The following UBE2F variants were observed in gnomAD, a reference collection of about 807,000 sequenced individuals.
UBE2F encodes the protein NEDD8-conjugating enzyme UBE2F.
UBE2F carries 5 observed loss-of-function variants against 29.6 expected under a neutral mutation model. That is an observed-to-expected ratio of 0.17 (90% CI 0.09 to 0.36). UBE2F has a LOEUF of 0.36. Among genes scored for constraint, UBE2F ranks in the 10% least tolerant of loss-of-function variants. The probability of loss-of-function intolerance (pLI) is 1.00; values close to 1 mark genes in which losing one functional copy is unlikely to be tolerated. For missense variants in UBE2F, 141 were observed against 228.5 expected, an observed-to-expected ratio of 0.62 and a Z score of 2.47; for synonymous variants, 66 against 81.8, an observed-to-expected ratio of 0.81 and a Z score of 1.04.
At chr2:238,009,466 C>T (rs2063970367) in intron 4 of UBE2F, among the ~76,000 whole-genome samples, 1 of 152,168 alleles carries the variant, frequency 6.6e-6, no homozygotes, top group Admixed American at 6.5e-5. Context: ...TGTTTTTCTG[C>T]AATGTCTCAT....
At chr2:238,019,943 G>A (rs150339895) in intron 5 of UBE2F, among the ~76,000 whole-genome samples, 1 of 152,178 alleles carries the variant, frequency 6.6e-6, no homozygotes, top group East Asian at 1.9e-4. Flanking sequence ...CCAGCCATGA[G>A]CCACTGAACC....
At chr2:237,999,437 C>G (rs988000671) in intron 4 of UBE2F, among the ~76,000 whole-genome samples, 2 of 152,124 alleles carry the variant, frequency 1.3e-5, no homozygotes, top group Non-Finnish European at 2.9e-5. Flanking sequence ...ATGTCCTGTC[C>G]AGAAATTTTT....
In UBE2F at chr2:237,967,496, A is replaced by G. The variant is rs550637039; in HGVS notation, c.-17+364A>G. Among the ~76,000 whole-genome samples the G allele has an allele frequency of 6.6e-6, 1 of 151,978 alleles. No homozygotes were observed. Among genetic ancestry groups the G allele is most frequent in the Non-Finnish European group, 1.5e-5 (1 of 67,982 alleles). ...ACAGACCTGGCCGCGCTCACGCCCCACTCGCGGGATCGGCTGCCTGCCTTG... is the reference window on the plus strand; with the variant it reads ...ACAGACCTGGCCGCGCTCACGCCCCGCTCGCGGGATCGGCTGCCTGCCTTG... On this transcript the variant is annotated intron_variant, in intron 1 of 9. Transcript: ENST00000272930. The surrounding 1 kb of genome is among the most constrained non-coding windows in gnomAD (Gnocchi z 6.3).
intron 1 of UBE2F, among the ~76,000 whole-genome samples, chr2:237,969,580 C>G (rs1408465747): frequency 6.6e-6 from 1 of 152,024 alleles, no homozygotes; most frequent in Admixed American, 6.6e-5. Flanking sequence ...CAGCTGACCC[C>G]CAGGTGATGG....
At chr2:237,980,755 C>T (rs1172376975) in intron 2 of UBE2F, among the ~76,000 whole-genome samples, 1 of 152,196 alleles carries the variant, frequency 6.6e-6, no homozygotes, top group Non-Finnish European at 1.5e-5. Context: ...CCTGAGCACC[C>T]CATGTGTGCC....
intron 2 of UBE2F, among the ~76,000 whole-genome samples, chr2:237,985,101 T>C (rs1219248247): frequency 6.6e-6 from 1 of 152,074 alleles, no homozygotes; most frequent in Non-Finnish European, 1.5e-5. Context: ...CCCAAAGCAC[T>C]GGGATTACAG....
In UBE2F at chr2:238,001,819, C is replaced by T. The variant is rs528506926; in HGVS notation, c.214+7010C>T. On this transcript the variant is annotated intron_variant, in intron 4 of 9. Coordinates refer to ENST00000272930, the MANE Select transcript of UBE2F (RefSeq NM_080678.3). The stretch of plus-strand genomic sequence containing the variant: ...TGGGCGACAGAGCAAGACTCCGTCT[C>T]AACAAAAAACAAAAAACAAAACAAA... 7.3e-5 allele frequency among the ~76,000 whole-genome samples: 11 copies of T among 151,460 alleles called. 1 individual carries two copies. The highest frequency in any genetic ancestry group is 2.7e-4 in the African/African-American group (11 of 41,314).
Position 238,042,157 on chromosome 2 carries a change from T to C in UBE2F, c.*819T>C, listed in dbSNP as rs1378281280. On this transcript the variant is annotated 3_prime_UTR_variant, in exon 10 of 10. Transcript: ENST00000272930. ...AGCACATTTTGGAGCCCTTTGAAGC[T>C]AGATTTGGATGATCAAAACAAAAAG... 6.6e-6 allele frequency: 1 copy of C among 152,242 alleles called. No homozygotes were observed. Among genetic ancestry groups the C allele is most frequent in the Non-Finnish European group, 1.5e-5 (1 of 68,042 alleles). 9.4% of individuals were successfully genotyped at this position (152,242 alleles called of 1,614,324 possible).
At chr2:237,991,707 A>G (rs1333730537) in intron 3 of UBE2F, among the ~76,000 whole-genome samples, 1 of 148,502 alleles carries the variant, frequency 6.7e-6, no homozygotes, top group Non-Finnish European at 1.5e-5. Flanking sequence ...GATTCAAGTG[A>G]CTTTCCTGCC....
At position 238,009,409 on chromosome 2, in the gene UBE2F, C is replaced by T. The variant is rs117984094; in HGVS notation, c.215-7157C>T. 1.7e-4 allele frequency among the ~76,000 whole-genome samples: 26 copies of T among 152,278 alleles called. 1 individual carries two copies. The East Asian group carries it at 4.2e-3, about 25-fold the overall frequency. Reference sequence around the variant, plus strand: ...CGTGTAAATTATACCTCCATTGGGTCGCAGGTCTTCGTTCACTTTTCTTTC... The same window carrying T: ...CGTGTAAATTATACCTCCATTGGGTTGCAGGTCTTCGTTCACTTTTCTTTC... On this transcript the variant is annotated intron_variant, in intron 4 of 9. Transcript: ENST00000272930.
intron 2 of UBE2F, among the ~76,000 whole-genome samples, chr2:237,975,497 G>A (rs1051082112): frequency 2.6e-5 from 4 of 152,128 alleles, no homozygotes; most frequent in Non-Finnish European, 5.9e-5. Context: ...GTTGTATTAG[G>A]TTGACAACAT....
At chr2:238,025,490 C>A in intron 6 of UBE2F, 78 bp downstream of exon 6, 1 of 1,334,588 alleles carries the variant, frequency 7.5e-7, no homozygotes, top group East Asian at 2.5e-5. Flanking sequence ...ATGTTGTCTC[C>A]TCTGAAAAGA....
chr2:237,972,474 T>C (rs1417399596), intron 1 of UBE2F, among the ~76,000 whole-genome samples: 1 of 152,134 alleles, frequency 6.6e-6, no homozygotes, highest in Non-Finnish European at 1.5e-5. Flanking sequence ...ACGGGAGCTT[T>C]GTCACAACCA....
rs917886222 is a variant in UBE2F, at chr2:237,995,457, A to G, written c.214+648A>G. Among the ~76,000 whole-genome samples, 78 of 152,136 alleles carry G rather than the reference A, an allele frequency of 5.1e-4. 2 individuals carry two copies. The highest frequency in any genetic ancestry group is 1.8e-3 in the African/African-American group (76 of 41,428). On this transcript the variant is annotated intron_variant, in intron 4 of 9. Coordinates refer to ENST00000272930, the MANE Select transcript of UBE2F (RefSeq NM_080678.3). The stretch of plus-strand genomic sequence containing the variant: ...TGCAGATTCCCACACTTCACAACCC[A>G]CTGGTGTTTATGTTGGACAGTGGGT...
At chr2:238,018,634 C>G (rs531373182) in intron 5 of UBE2F, among the ~76,000 whole-genome samples, 1 of 152,252 alleles carries the variant, frequency 6.6e-6, no homozygotes, top group African/African-American at 2.4e-5. Flanking sequence ...GGCGTGATCT[C>G]AGCTCACTGC....
rs575643725 is a variant in UBE2F, at chr2:238,025,152, C to T, written c.283-190C>T. ...CTGAGACTAGCCCTTGTGGATGCAGCGCATCAACACATGCCTCATGGGTGA... is the reference window on the plus strand; with the variant it reads ...CTGAGACTAGCCCTTGTGGATGCAGTGCATCAACACATGCCTCATGGGTGA... On this transcript the variant is annotated intron_variant, in intron 5 of 9. Transcript: ENST00000272930. 55 of 591,352 alleles carry T rather than the reference C, an allele frequency of 9.3e-5. No individual in the cohort carries two copies. In the Middle Eastern group the frequency reaches 1.3e-3, roughly 14 times the overall value. The allele number at this position is 591,352 out of a possible 1,614,324, so 36.6% of individuals were successfully genotyped here.
At chr2:238,029,951 CTT>C (rs36015072) in intron 6 of UBE2F, among the ~76,000 whole-genome samples, 72 of 135,504 alleles carry the variant, frequency 5.3e-4, no homozygotes, top group Admixed American at 1.2e-3. Context: ...TTCTTTCTTT[CTT>C]TTTTTTTTTT....
At chr2:238,026,179 G>A (rs1041026854) in intron 6 of UBE2F, among the ~76,000 whole-genome samples, 21 of 152,290 alleles carry the variant, frequency 1.4e-4, no homozygotes, top group African/African-American at 2.6e-4. Context: ...CCGGCTGCCC[G>A]GGGCAGCTGT....
Position 238,025,395 on chromosome 2 carries a change from A to T in UBE2F, c.336A>T (p.Thr112=). The T allele has an allele frequency of 6.2e-7, 1 of 1,614,000 alleles. No homozygotes were observed. The highest frequency in any genetic ancestry group is 8.5e-7 in the Non-Finnish European group (1 of 1,179,896). Residue 112 remains threonine, a synonymous_variant, in exon 6 of 10, where the codon ACA becomes ACT. Coordinates refer to ENST00000272930, the MANE Select transcript of UBE2F (RefSeq NM_080678.3). Reference sequence around the variant, plus strand: ...TCTGGCACCCCAACATCACAGAGACAGGGGAAATATGTCTGAGGTGAGTTT... The same window carrying T: ...TCTGGCACCCCAACATCACAGAGACTGGGGAAATATGTCTGAGGTGAGTTT... ...TKIWHPNITE[T]GEICLSLLRE... is the part of the protein sequence containing the mutation.
Sources: allele counts gnomAD v4.1 joint callset (sites outside exome capture counted in the v4.1 genomes callset), GRCh38; gene constraint gnomAD v4.1.1; non-coding constraint Gnocchi (gnomAD v3.1); transcripts MANE v1.5; gene names NCBI Gene and HGNC (gene_info 2026-07-23, HGNC 2026-07-21).